TMEM132D: variants seen among roughly 807,000 people sequenced by gnomAD.
TMEM132D encodes mature OL transmembrane protein.
In TMEM132D, 21 loss-of-function variants were observed where a neutral mutation model predicts 62.3. That is an observed-to-expected ratio of 0.34 (90% CI 0.24 to 0.49). The LOEUF is 0.49. Ranked by LOEUF, TMEM132D falls within the 20% of genes least tolerant of loss-of-function variation. TMEM132D has a pLI of 0.99. For missense variants in TMEM132D, 1,346 were observed against 1,402.8 expected (o/e 0.96, Z 0.65); for synonymous variants, 621 against 575.6 (o/e 1.08, Z -1.13).
intron 1 of TMEM132D, among the ~76,000 whole-genome samples, chr12:129,898,908 A>T (rs1425596125): frequency 2.0e-5 from 3 of 152,214 alleles, no homozygotes; most frequent in Non-Finnish European, 4.4e-5. Flanking sequence ...TGAATACGAA[A>T]CTGCCCAGGT....
At chr12:129,551,292 G>A (rs543504988) in intron 2 of TMEM132D, among the ~76,000 whole-genome samples, 100 of 152,356 alleles carry the variant, frequency 6.6e-4, no homozygotes, top group African/African-American at 2.4e-3. Context: ...TGTGTGCTTT[G>A]CTATGCAGCG....
chr12:129,373,876 C>G (rs560002076), intron 3 of TMEM132D, among the ~76,000 whole-genome samples: 25 of 152,212 alleles, frequency 1.6e-4, no homozygotes, highest in African/African-American at 5.8e-4. Context: ...GATTATCATT[C>G]GATTTCCCAT....
intron 3 of TMEM132D, among the ~76,000 whole-genome samples, chr12:129,468,342 A>C (rs929348856): frequency 6.6e-6 from 1 of 152,162 alleles, no homozygotes; most frequent in African/African-American, 2.4e-5. Context: ...GCACTGTGAC[A>C]AATGGAGACA....
chr12:129,484,722 C>T (rs1337552600), intron 3 of TMEM132D, among the ~76,000 whole-genome samples: 57 of 152,212 alleles, frequency 3.7e-4, no homozygotes, highest in Non-Finnish European at 8.8e-5. Flanking sequence ...TCATTTAAGG[C>T]ATGCTCTCCA....
intron 2 of TMEM132D, among the ~76,000 whole-genome samples, chr12:129,641,717 A>C (rs1298303567): frequency 2.6e-5 from 4 of 151,992 alleles, no homozygotes. Flanking sequence ...CTCCCATTCC[A>C]TGGGCTCTTG....
At chr12:129,662,522 C>T (rs572386839) in intron 2 of TMEM132D, among the ~76,000 whole-genome samples, 17 of 152,150 alleles carry the variant, frequency 1.1e-4, no homozygotes, top group Admixed American at 7.2e-4. Flanking sequence ...TGGCCAGGCC[C>T]GATGGCTCAC....
intron 4 of TMEM132D, among the ~76,000 whole-genome samples, chr12:129,275,695 G>A (rs759581464): frequency 3.9e-5 from 6 of 152,278 alleles, no homozygotes; most frequent in South Asian, 2.1e-4. Context: ...GGCTTCTCCC[G>A]GGCTCAGGTC....
intron 1 of TMEM132D, among the ~76,000 whole-genome samples, chr12:129,810,003 G>A (rs1043990315): frequency 6.6e-6 from 1 of 152,136 alleles, no homozygotes; most frequent in African/African-American, 2.4e-5. Flanking sequence ...CCTCGCTATG[G>A]AAAAGCACGT....
intron 3 of TMEM132D, among the ~76,000 whole-genome samples, chr12:129,511,222 G>A (rs371768416): frequency 6.6e-6 from 1 of 152,080 alleles, no homozygotes; most frequent in Non-Finnish European, 1.5e-5. Context: ...TTCCTAACCT[G>A]CCTTCTGTCA....
intron 2 of TMEM132D, 88 bp downstream of exon 2, chr12:129,699,722 G>A (rs1593125568): frequency 2.6e-6 from 4 of 1,520,448 alleles, no homozygotes; most frequent in Non-Finnish European, 3.6e-6. Context: ...TTCGGTGAGC[G>A]ATAACACAGC....
chr12:129,286,720 T>C (rs951949598), intron 4 of TMEM132D, among the ~76,000 whole-genome samples: 1 of 152,162 alleles, frequency 6.6e-6, no homozygotes, highest in Non-Finnish European at 1.5e-5. Context: ...TCTTAGCATC[T>C]AGACCTTAAA....
At chr12:129,736,813 C>CT (rs34164181) in intron 1 of TMEM132D, among the ~76,000 whole-genome samples, 2,441 of 126,828 alleles carry the variant, frequency 0.019, 82 homozygotes, top group East Asian at 0.12. Flanking sequence ...ATGATGGTGC[C>CT]TTTTTTTTTT....
intron 4 of TMEM132D, among the ~76,000 whole-genome samples, chr12:129,221,168 G>C (rs2135573487): frequency 6.6e-6 from 1 of 152,300 alleles, no homozygotes; most frequent in African/African-American, 2.4e-5. Context: ...CAGCTTTCAT[G>C]TTCAATTGCC....
At chr12:129,478,559 A>G (rs1245113197) in intron 3 of TMEM132D, among the ~76,000 whole-genome samples, 1 of 152,206 alleles carries the variant, frequency 6.6e-6, no homozygotes, top group African/African-American at 2.4e-5. Flanking sequence ...CCAGCCAAGT[A>G]TTTCATTTGG....
At chr12:129,309,525 T>G (rs1881922179) in intron 4 of TMEM132D, among the ~76,000 whole-genome samples, 1 of 152,176 alleles carries the variant, frequency 6.6e-6, no homozygotes, top group African/African-American at 2.4e-5. Flanking sequence ...TTGTGATTGC[T>G]TTTAAAGATC....
intron 3 of TMEM132D, among the ~76,000 whole-genome samples, chr12:129,494,117 G>A (rs2137062268): frequency 6.6e-6 from 1 of 152,322 alleles, no homozygotes; most frequent in South Asian, 2.1e-4. Flanking sequence ...TTCCTGGGGA[G>A]TGGAGAGGAC....
chr12:129,176,227 C>T (rs946793724), intron 5 of TMEM132D, among the ~76,000 whole-genome samples: 1 of 152,198 alleles, frequency 6.6e-6, no homozygotes, highest in African/African-American at 2.4e-5. Flanking sequence ...CAGGTATCTG[C>T]TCAGTGTATG....
chr12:129,774,868 C>T (rs893819372), intron 1 of TMEM132D, among the ~76,000 whole-genome samples: 2 of 152,182 alleles, frequency 1.3e-5, no homozygotes, highest in African/African-American at 2.4e-5. Flanking sequence ...TGACCTTGGA[C>T]ACGCTGAGTA....
intron 1 of TMEM132D, among the ~76,000 whole-genome samples, chr12:129,901,596 G>GGCTT (rs1875353915): frequency 2.0e-5 from 3 of 152,260 alleles, no homozygotes; most frequent in South Asian, 4.1e-4. Flanking sequence ...CTAGTAAAGA[G>GGCTT]GCTTCCACAT....
Sources: allele counts gnomAD v4.1 joint callset (sites outside exome capture counted in the v4.1 genomes callset), GRCh38; gene constraint gnomAD v4.1.1; transcripts MANE v1.5; gene names NCBI Gene and HGNC (gene_info 2026-07-23, HGNC 2026-07-21).